The following CACNA2D3 variants were observed in gnomAD, a reference collection of about 807,000 sequenced individuals.
The protein encoded by CACNA2D3 is voltage-dependent calcium channel subunit alpha-2/delta-3.
A neutral mutation model predicts 160.6 loss-of-function variants in CACNA2D3; 60 were observed. The ratio of observed to expected loss-of-function variants is 0.37; its 90% CI spans 0.30 to 0.46. The LOEUF (loss-of-function observed/expected upper bound fraction) is 0.46, where lower values mean the gene tolerates loss of function less well. CACNA2D3 is among the 20% of genes least tolerant of loss of function. The pLI is 1.00. For synonymous variants in CACNA2D3, 558 were observed against 492.9 expected (o/e 1.13, Z -1.75); for missense variants, 1,205 against 1,365.0 (o/e 0.88, Z 1.85).
intron 4 of CACNA2D3, among the ~76,000 whole-genome samples, chr3:54,439,308 G>A: frequency 8.3e-6 from 1 of 120,702 alleles, no homozygotes; most frequent in East Asian, 2.4e-4. Context: ...CATAAAGGAG[G>A]GTGTGTGTGT....
At chr3:54,340,716 G>A (rs138782422) in intron 3 of CACNA2D3, among the ~76,000 whole-genome samples, 3 of 152,252 alleles carry the variant, frequency 2.0e-5, no homozygotes, top group Admixed American at 6.5e-5. Flanking sequence ...TGGTTCTCTG[G>A]TAATAGATCC....
intron 11 of CACNA2D3, among the ~76,000 whole-genome samples, chr3:54,711,996 A>C (rs757718315): frequency 1.3e-5 from 2 of 152,014 alleles, no homozygotes; most frequent in Admixed American, 6.5e-5. Context: ...GACAATTTTG[A>C]GTAGGAGGAG....
At chr3:54,976,689 A>G (rs1037611590) in intron 29 of CACNA2D3, among the ~76,000 whole-genome samples, 1 of 152,194 alleles carries the variant, frequency 6.6e-6, no homozygotes, top group African/African-American at 2.4e-5. Context: ...GATAGTTTTC[A>G]TCTGGTATTC....
At chr3:54,840,868 G>A (rs1172778418) in intron 16 of CACNA2D3, among the ~76,000 whole-genome samples, 2 of 151,412 alleles carry the variant, frequency 1.3e-5, no homozygotes, top group Non-Finnish European at 2.9e-5. Context: ...GACTACAGGT[G>A]CCCGCCACCA....
chr3:54,590,597 C>CTTATTATTATTATTA (rs35084465), intron 9 of CACNA2D3, among the ~76,000 whole-genome samples: 28 of 149,240 alleles, frequency 1.9e-4, no homozygotes, highest in African/African-American at 6.2e-4. Flanking sequence ...TGGCATTTCT[C>CTTATTATTATTATTA]TTATTATTAT....
At chr3:55,054,617 A>G (rs1219769423) in intron 35 of CACNA2D3, among the ~76,000 whole-genome samples, 1 of 150,294 alleles carries the variant, frequency 6.7e-6, no homozygotes, top group Non-Finnish European at 1.5e-5. Context: ...TATAAAGTAT[A>G]ATATATTACC....
intron 8 of CACNA2D3, among the ~76,000 whole-genome samples, chr3:54,581,115 A>C (rs1455118059): frequency 6.6e-6 from 1 of 152,168 alleles, no homozygotes; most frequent in South Asian, 2.1e-4. Context: ...TCAGATGTGT[A>C]AGGACCGGCC....
chr3:54,826,637 C>T (rs571141417), intron 14 of CACNA2D3, among the ~76,000 whole-genome samples: 2 of 152,244 alleles, frequency 1.3e-5, no homozygotes, highest in African/African-American at 4.8e-5. Flanking sequence ...AAGCATCTGT[C>T]CCTTCTTCCC....
At chr3:54,142,063 G>A (rs1229945360) in intron 2 of CACNA2D3, among the ~76,000 whole-genome samples, 1 of 152,208 alleles carries the variant, frequency 6.6e-6, no homozygotes, top group African/African-American at 2.4e-5. Context: ...GTCTGGGTTC[G>A]GAGGAGGCTT....
intron 35 of CACNA2D3, among the ~76,000 whole-genome samples, chr3:55,054,346 T>C (rs1704311006): frequency 6.6e-6 from 1 of 151,886 alleles, no homozygotes; most frequent in Non-Finnish European, 1.5e-5. Context: ...TGTTTTTCTC[T>C]TTGTTCTCTA....
At chr3:54,289,558 T>C (rs1443014706) in intron 2 of CACNA2D3, among the ~76,000 whole-genome samples, 1 of 152,106 alleles carries the variant, frequency 6.6e-6, no homozygotes, top group Non-Finnish European at 1.5e-5. Flanking sequence ...AAAAAACTAC[T>C]TTAAAGTTCA....
intron 35 of CACNA2D3, among the ~76,000 whole-genome samples, chr3:55,020,276 C>T (rs910015807): frequency 6.7e-6 from 1 of 149,944 alleles, no homozygotes; most frequent in African/African-American, 2.4e-5. Flanking sequence ...TATTAATTTC[C>T]ATGAATTCTG....
At chr3:54,298,944 T>TAAAAAAAAAAAA (rs59100168) in intron 2 of CACNA2D3, among the ~76,000 whole-genome samples, 1 of 99,254 alleles carries the variant, frequency 1.0e-5, no homozygotes, top group South Asian at 3.2e-4. Flanking sequence ...CTCTGTTTCT[T>TAAAAAAAAAAAA]AAAAAAAAAA....
intron 2 of CACNA2D3, among the ~76,000 whole-genome samples, chr3:54,149,877 G>GTC (rs757018890): frequency 9.4e-6 from 1 of 105,882 alleles, no homozygotes; most frequent in Non-Finnish European, 1.9e-5. Context: ...CTGTCCTGAA[G>GTC]TATCTGTCTC....
At chr3:54,690,915 C>T (rs1015380285) in intron 11 of CACNA2D3, among the ~76,000 whole-genome samples, 4 of 152,118 alleles carry the variant, frequency 2.6e-5, no homozygotes, top group Admixed American at 6.5e-5. Context: ...CCCACTCAAT[C>T]GAGGGCTGTC....
intron 18 of CACNA2D3, among the ~76,000 whole-genome samples, chr3:54,872,190 T>TCA (rs1409795618): frequency 6.6e-6 from 1 of 152,204 alleles, no homozygotes; most frequent in Non-Finnish European, 1.5e-5. Context: ...CCCCATGCTT[T>TCA]TTCCCCACGT....
intron 17 of CACNA2D3, among the ~76,000 whole-genome samples, chr3:54,861,569 ATC>A (rs1559607775): frequency 1.3e-5 from 2 of 152,182 alleles, no homozygotes; most frequent in African/African-American, 4.8e-5. Context: ...TTGTGAAAGA[ATC>A]TCTCTGGCTG....
At chr3:54,563,492 G>A (rs1240126316) in intron 6 of CACNA2D3, among the ~76,000 whole-genome samples, 11 of 152,210 alleles carry the variant, frequency 7.2e-5, no homozygotes, top group Non-Finnish European at 1.3e-4. Context: ...TCCCAGCGGT[G>A]CGTATCTCAG....
intron 4 of CACNA2D3, among the ~76,000 whole-genome samples, chr3:54,412,382 A>G (rs1274829994): frequency 6.6e-6 from 1 of 151,844 alleles, no homozygotes; most frequent in African/African-American, 2.4e-5. Flanking sequence ...TTTAGTTCTG[A>G]TGGATTTTTG....
Sources: allele counts gnomAD v4.1 joint callset (sites outside exome capture counted in the v4.1 genomes callset), GRCh38; gene constraint gnomAD v4.1.1; transcripts MANE v1.5; gene names NCBI Gene and HGNC (gene_info 2026-07-23, HGNC 2026-07-21).